Variants in ITGA6 observed in about 807,000 individuals in gnomAD.
The protein encoded by ITGA6 is integrin alpha-6.
Under a neutral mutation model 133.6 loss-of-function variants are expected in ITGA6, and 63 were observed. The observed-to-expected ratio is 0.47, with a 90% CI of 0.38 to 0.58. The LOEUF (loss-of-function observed/expected upper bound fraction) is 0.58, where lower values mean the gene tolerates loss of function less well. Ranked by LOEUF, ITGA6 falls within the 20% of genes least tolerant of loss-of-function variation. The pLI is 0.00. For missense variants in ITGA6, 1,068 were observed against 1,309.4 expected (o/e 0.82, Z 2.85); for synonymous variants, 434 against 482.0 (o/e 0.90, Z 1.30).
chr2:172,487,221 T>C, intron 14 of ITGA6, 43 bp from the exon 15 acceptor site: 1 of 1,565,068 alleles, frequency 6.4e-7, no homozygotes, highest in Non-Finnish European at 8.8e-7. Flanking sequence ...GGAAACGTAT[T>C]GAGGACTTTG....
chr2:172,464,371 T>C (rs1685559036), intron 1 of ITGA6: 1 of 152,374 alleles, frequency 6.6e-6, no homozygotes, highest in South Asian at 2.1e-4. Flanking sequence ...TGTGGGTTTC[T>C]TGATGGCCAG....
At position 172,465,250 on chromosome 2, in the gene ITGA6, C is replaced by T. The variant is rs1056198186; in HGVS notation, c.183-289C>T. 5 of 486,414 alleles carry T rather than the reference C, an allele frequency of 1.0e-5. No individual in the cohort carries two copies. In the East Asian group the frequency reaches 1.6e-4, roughly 15 times the overall value. The allele number at this position is 486,414 out of a possible 1,614,324, so 30.1% of individuals were successfully genotyped here. A position where few individuals can be genotyped will look rare whatever the true frequency, so the allele number is the denominator to read the frequency against. On this transcript the variant is annotated intron_variant, in intron 1 of 25. Coordinates refer to ENST00000684293, the MANE Select transcript of ITGA6 (RefSeq NM_000210.4). ...AGGTTGTATTCTTTGAAGAGGGTGT[C>T]TTTTAAACACCAGATCATACCCAGC... is the stretch of plus-strand genomic sequence containing the variant.
rs1198772117 is a variant in ITGA6, at chr2:172,474,055, G to C, written c.776G>C (p.Gly259Ala). The C allele has an allele frequency of 6.2e-7, 1 of 1,611,194 alleles. No individual in the cohort carries two copies. The highest frequency in any genetic ancestry group is 1.7e-5 in the Admixed American group (1 of 59,966). Residue 259 changes from glycine (G) to alanine (A), a missense_variant and splice_region_variant, in exon 6 of 26, where the codon GGT becomes GCT. Around this residue, in one of 3 missense-constraint regions of ITGA6, gnomAD observed 317 missense variants for 456.9 expected, o/e 0.69. Transcript: ENST00000684293. The part of the protein sequence containing the change: ...LVPVPANSYL[G>A]FSLDSGKGIV... ...GGCTCTATATATTTTGTTTTTCTAG[G>C]TTTTTCTTTGGACTCAGGGAAAGGT...
intron 1 of ITGA6, among the ~76,000 whole-genome samples, chr2:172,432,438 A>G (rs551377996): frequency 6.6e-6 from 1 of 152,244 alleles, no homozygotes; most frequent in Non-Finnish European, 1.5e-5. Flanking sequence ...AGCACCTAGC[A>G]TATGCCTTGC....
chr2:172,463,249 A>C (rs926741312), intron 1 of ITGA6, among the ~76,000 whole-genome samples: 1 of 152,212 alleles, frequency 6.6e-6, no homozygotes, highest in Admixed American at 6.5e-5. Context: ...TAGGTAACTT[A>C]GTAGCCACCT....
At position 172,489,628 on chromosome 2, in the gene ITGA6, A is replaced by G; in HGVS notation, c.2649A>G (p.Pro883=). Residue 883 remains proline (P), a synonymous_variant, in exon 20 of 26, where the codon CCA becomes CCG. Transcript: ENST00000684293. ...GATTGGAAAAGGTAACTTGTGAGCC[A>G]CAAAAGGAGATAAACTCCCTGAACC... ...SKGLEKVTCE[P]QKEINSLNLT... is the part of the protein sequence containing the mutation. 6.2e-7 allele frequency: 1 copy of G among 1,614,112 alleles called. No individual in the cohort carries two copies. Among genetic ancestry groups the G allele is most frequent in the Non-Finnish European group, 8.5e-7 (1 of 1,179,948 alleles).
At chr2:172,438,127 G>C (rs1362241145) in intron 1 of ITGA6, among the ~76,000 whole-genome samples, 1 of 151,560 alleles carries the variant, frequency 6.6e-6, no homozygotes, top group African/African-American at 2.4e-5. Context: ...GGAAATAGTG[G>C]GTTTTTGTTT....
chr2:172,479,049 A>C (rs1391303202), intron 9 of ITGA6, among the ~76,000 whole-genome samples: 1 of 152,222 alleles, frequency 6.6e-6, no homozygotes, highest in Non-Finnish European at 1.5e-5. Context: ...AGATAAACTC[A>C]AGTGTGTGCA....
intron 1 of ITGA6, among the ~76,000 whole-genome samples, chr2:172,443,173 C>T (rs1405144819): frequency 6.6e-6 from 1 of 152,036 alleles, no homozygotes; most frequent in Non-Finnish European, 1.5e-5. Context: ...ATTTTTTTTA[C>T]CCATTTGCCA....
In ITGA6 at chr2:172,476,261, G is replaced by A. The variant is rs564827142; in HGVS notation, c.1270-134G>A. On this transcript the variant is annotated intron_variant, in intron 8 of 25. Coordinates refer to ENST00000684293, the MANE Select transcript of ITGA6 (RefSeq NM_000210.4). Reference sequence around the variant, plus strand: ...TAGATCATATAGAAATTTATGACTTGTATATAATATAATTTACTTATAAGT... The same window carrying A: ...TAGATCATATAGAAATTTATGACTTATATATAATATAATTTACTTATAAGT... The A allele has an allele frequency of 1.8e-4, 127 of 708,952 alleles. No homozygotes were observed. In the African/African-American group the frequency reaches 2.0e-3, roughly 11 times the overall value. 43.9% of individuals were successfully genotyped at this position (708,952 alleles called of 1,614,324 possible). A position where few individuals can be genotyped will look rare whatever the true frequency, so the allele number is the denominator to read the frequency against.
rs1437305302 is a variant in ITGA6 at position 172,474,182 on chromosome 2, C to T, written c.903C>T (p.Leu301=). 11 of 1,614,026 alleles carry T rather than the reference C, an allele frequency of 6.8e-6. No homozygotes were observed. Among genetic ancestry groups the T allele is most frequent in the Admixed American group, 1.7e-5 (1 of 60,004 alleles). Residue 301 remains leucine (L), a synonymous_variant, in exon 6 of 26, where the codon CTC becomes CTT. Transcript: ENST00000684293. ...LLKRDMKSAH[L]LPEHIFDGEG... ...AGAGAGACATGAAGTCTGCACATCT[C>T]CTCCCTGAGCACATATTCGATGGAG...
At chr2:172,429,565 T>C (rs1684024607) in intron 1 of ITGA6, among the ~76,000 whole-genome samples, 1 of 152,102 alleles carries the variant, frequency 6.6e-6, no homozygotes, top group Non-Finnish European at 1.5e-5. Context: ...ATCCTGGCAG[T>C]GGAGATTTGC....
At chr2:172,492,422 T>G (rs962436055) in intron 23 of ITGA6, among the ~76,000 whole-genome samples, 21 of 152,236 alleles carry the variant, frequency 1.4e-4, no homozygotes, top group Admixed American at 1.4e-3. Flanking sequence ...AAGTGTATCC[T>G]TACATTTTAT....
upstream of ITGA6, chr2:172,427,353 C>T: frequency 1.0e-6 from 1 of 1,001,496 alleles, no homozygotes; most frequent in Non-Finnish European, 1.2e-6. Context: ...TCGGCAACCA[C>T]AATTCTGTCC....
Position 172,501,836 on chromosome 2 carries a change from A to G in ITGA6, c.3179A>G (p.His1060Arg), listed in dbSNP as rs1355017167. 2.5e-6 allele frequency: 4 copies of G among 1,607,494 alleles called. No individual in the cohort carries two copies. The Admixed American group carries it at 6.7e-5, about 27-fold the overall frequency. The change falls in exon 25 of 26, where the codon CAT becomes CGT. Residue 1060 changes from histidine (H) to arginine (R), a missense_variant. By Grantham distance (29) the His-to-Arg change is conservative (BLOSUM62 0). Coordinates refer to ENST00000684293, the MANE Select transcript of ITGA6 (RefSeq NM_000210.4). ...GCCACATATCACAAGGCTGAGATCC[A>G]TGCTCAGCCATCTGATAAAGAGAGG... Reference protein sequence around the residue: ...YDATYHKAEIHAQPSDKERLT... With the variant: ...YDATYHKAEIRAQPSDKERLT...
intron 3 of ITGA6, chr2:172,468,866 A>T: frequency 2.3e-6 from 1 of 440,848 alleles, no homozygotes; most frequent in Non-Finnish European, 4.1e-6. Flanking sequence ...CTATGGATAC[A>T]GATTGTCATT....
In ITGA6 at chr2:172,427,980, C is replaced by T. The variant is rs1266431328; in HGVS notation, c.182+10C>T. 6.3e-7 allele frequency: 1 copy of T among 1,599,264 alleles called. No homozygotes were observed. ...CCGAGGACAAGCGGCTGTGAGTTCC[C>T]AGACCCTTCCCACCCCCACTGGGGC... On this transcript the variant is annotated intron_variant, in intron 1 of 25. Coordinates refer to ENST00000684293, the MANE Select transcript of ITGA6 (RefSeq NM_000210.4).
intron 9 of ITGA6, among the ~76,000 whole-genome samples, chr2:172,478,437 A>AC (rs941810248): frequency 1.3e-5 from 2 of 152,012 alleles, no homozygotes; most frequent in Admixed American, 6.5e-5. Flanking sequence ...TGGTAATGAA[A>AC]CCCCAGGCCC....
chr2:172,493,448 C>T (rs1687004351), intron 23 of ITGA6, among the ~76,000 whole-genome samples: 1 of 152,110 alleles, frequency 6.6e-6, no homozygotes, highest in South Asian at 2.1e-4. Context: ...AGACAGAGAA[C>T]ACTTTAGAGG....
Sources: allele counts gnomAD v4.1 joint callset (sites outside exome capture counted in the v4.1 genomes callset), GRCh38; gene constraint gnomAD v4.1.1; regional missense constraint gnomAD v4.1.1; transcripts MANE v1.5; gene names NCBI Gene and HGNC (gene_info 2026-07-23, HGNC 2026-07-21).